The following PRMT3 variants were observed in gnomAD, a reference collection of about 807,000 sequenced individuals.
The protein encoded by PRMT3 is protein arginine methyltransferase 3, also known as protein arginine N-methyltransferase 3.
In PRMT3, 62 loss-of-function variants were observed where a neutral mutation model predicts 71.9. The ratio of observed to expected loss-of-function variants is 0.86; its 90% CI spans 0.70 to 1.07. The LOEUF (loss-of-function observed/expected upper bound fraction) is 1.07, where lower values mean the gene tolerates loss of function less well. PRMT3 is among the 50% of genes least tolerant of loss of function. The pLI, the probability that PRMT3 is intolerant of heterozygous loss-of-function variation, is 0.00. For synonymous variants in PRMT3, 213 were observed against 220.4 expected (o/e 0.97, Z 0.30); for missense variants, 663 against 643.0 (o/e 1.03, Z -0.34).
At chr11:20,495,709 T>C (rs1851316680) in intron 15 of PRMT3, among the ~76,000 whole-genome samples, 1 of 152,142 alleles carries the variant, frequency 6.6e-6, no homozygotes, top group Admixed American at 6.5e-5. Context: ...CTCTAAAAGT[T>C]AGAATTTGAT....
At position 20,467,264 on chromosome 11, in the gene PRMT3, G is replaced by A. The variant is rs189831208; in HGVS notation, c.1347+2718G>A. ...AGGAAGGTAACGTACATCAACAGTCGTTGAACACTTGAATGTCAGACAATG... is the reference window on the plus strand; with the variant it reads ...AGGAAGGTAACGTACATCAACAGTCATTGAACACTTGAATGTCAGACAATG... On this transcript the variant is annotated intron_variant, in intron 13 of 15. Coordinates refer to ENST00000331079, the MANE Select transcript of PRMT3 (RefSeq NM_005788.4). Among the ~76,000 whole-genome samples the A allele has an allele frequency of 1.1e-3, 162 of 152,234 alleles. No individual in the cohort carries two copies. In the East Asian group the frequency reaches 0.011, roughly 10 times the overall value.
rs776773401 is a variant in PRMT3, at chr11:20,444,036, G to A, written c.994-8094G>A. 9.8e-4 allele frequency among the ~76,000 whole-genome samples: 149 copies of A among 152,234 alleles called. 1 individual carries two copies. Among genetic ancestry groups the A allele is most frequent in the Non-Finnish European group, 5.0e-4 (34 of 68,002 alleles). ...TTATTACCATGATTCTTCTTCTTGC[G>A]TGGAAGTTGGTGATCAAGTTAAATA... On this transcript the variant is annotated intron_variant, in intron 10 of 15. Transcript: ENST00000331079.
At chr11:20,459,742 G>GA (rs1262161365) in intron 11 of PRMT3, among the ~76,000 whole-genome samples, 2 of 152,172 alleles carry the variant, frequency 1.3e-5, no homozygotes, top group African/African-American at 4.8e-5. Context: ...AGCTGCTTCT[G>GA]AATTCTTATT....
chr11:20,467,843 C>G (rs1408593657), intron 13 of PRMT3, among the ~76,000 whole-genome samples: 1 of 152,166 alleles, frequency 6.6e-6, no homozygotes, highest in Admixed American at 6.5e-5. Context: ...CCTAATGCTT[C>G]TATTAGGTGT....
intron 10 of PRMT3, among the ~76,000 whole-genome samples, chr11:20,448,300 CTT>C (rs1412864093): frequency 6.6e-6 from 1 of 152,070 alleles, no homozygotes; most frequent in African/African-American, 2.4e-5. Flanking sequence ...CTTGAAATGT[CTT>C]GTTTCCAATT....
intron 10 of PRMT3, among the ~76,000 whole-genome samples, chr11:20,430,054 CAGT>C (rs1017729973): frequency 6.6e-5 from 10 of 152,238 alleles, no homozygotes; most frequent in Non-Finnish European, 1.2e-4. Flanking sequence ...TTGGCTGAAA[CAGT>C]AGGCAAATGG....
intron 9 of PRMT3, among the ~76,000 whole-genome samples, chr11:20,425,158 A>G (rs1158534471): frequency 2.0e-5 from 3 of 152,170 alleles, no homozygotes; most frequent in Admixed American, 1.3e-4. Context: ...TTAAATGGGC[A>G]AAAGATTCGA....
chr11:20,507,682 G>A (rs1851624647), intron 15 of PRMT3, among the ~76,000 whole-genome samples: 1 of 152,152 alleles, frequency 6.6e-6, no homozygotes, highest in East Asian at 1.9e-4. Context: ...GGGAGGCTGA[G>A]GCAGGAGAAA....
At chr11:20,504,707 T>TGAGAGAGAGAGAGAGAAAGAGAGA (rs1851542288) in intron 15 of PRMT3, among the ~76,000 whole-genome samples, 1 of 133,590 alleles carries the variant, frequency 7.5e-6, no homozygotes, top group African/African-American at 3.0e-5. Context: ...TGTGTGTGTG[T>TGAGAGAGAGAGAGAGAAAGAGAGA]GAGAGAGAGA....
At chr11:20,414,533 A>C (rs1024926922) in intron 9 of PRMT3, among the ~76,000 whole-genome samples, 1 of 152,184 alleles carries the variant, frequency 6.6e-6, no homozygotes, top group Admixed American at 6.6e-5. Flanking sequence ...AAAGCTATTC[A>C]GTTGCCAGAC....
At chr11:20,391,486 G>A (rs1014099231) in intron 3 of PRMT3, among the ~76,000 whole-genome samples, 17 of 152,106 alleles carry the variant, frequency 1.1e-4, no homozygotes, top group Non-Finnish European at 1.9e-4. Context: ...CAGGTGATCC[G>A]CCTGCCTTGG....
chr11:20,413,920 A>C (rs1473667677), intron 9 of PRMT3, among the ~76,000 whole-genome samples: 1 of 152,162 alleles, frequency 6.6e-6, no homozygotes, highest in Non-Finnish European at 1.5e-5. Context: ...TTTCTCGGTC[A>C]GAAGTCTATA....
At chr11:20,434,768 T>C (rs937186388) in intron 10 of PRMT3, among the ~76,000 whole-genome samples, 4 of 152,212 alleles carry the variant, frequency 2.6e-5, no homozygotes, top group African/African-American at 9.7e-5. Context: ...AGTACTGTGC[T>C]GTTTTTATTA....
intron 15 of PRMT3, among the ~76,000 whole-genome samples, chr11:20,501,410 C>T (rs548628440): frequency 1.6e-4 from 25 of 152,178 alleles, no homozygotes; most frequent in African/African-American, 4.6e-4. Flanking sequence ...CATCTAGTGT[C>T]CATATTTGGA....
intron 13 of PRMT3, among the ~76,000 whole-genome samples, chr11:20,490,547 A>C (rs974602623): frequency 8.7e-5 from 13 of 150,034 alleles, no homozygotes; most frequent in African/African-American, 3.3e-4. Context: ...GAGGCCCCCC[A>C]AAAAATGTGG....
chr11:20,417,162 T>C (rs10766672), intron 9 of PRMT3, among the ~76,000 whole-genome samples: 125,794 of 152,054 alleles, frequency 0.83, 53,743 homozygotes, highest in Non-Finnish European at 0.95. Context: ...CTTTTTTCTC[T>C]CACTGAATTA....
intron 10 of PRMT3, among the ~76,000 whole-genome samples, chr11:20,430,359 A>G (rs959802153): frequency 6.6e-6 from 1 of 152,160 alleles, no homozygotes; most frequent in African/African-American, 2.4e-5. Context: ...GTTTTCTTCT[A>G]CTGTGGTCCA....
chr11:20,448,467 G>C (rs997426196), intron 10 of PRMT3, among the ~76,000 whole-genome samples: 13 of 152,162 alleles, frequency 8.5e-5, no homozygotes, highest in African/African-American at 3.1e-4. Flanking sequence ...ATAGGCTTGT[G>C]TATTTGTTGC....
chr11:20,397,175 G>C (rs1016581695), intron 6 of PRMT3, among the ~76,000 whole-genome samples: 1 of 152,088 alleles, frequency 6.6e-6, no homozygotes, highest in Non-Finnish European at 1.5e-5. Flanking sequence ...TCTACTTTCT[G>C]CTTACATAAT....
Sources: allele counts gnomAD v4.1 joint callset (sites outside exome capture counted in the v4.1 genomes callset), GRCh38; gene constraint gnomAD v4.1.1; transcripts MANE v1.5; gene names NCBI Gene and HGNC (gene_info 2026-07-23, HGNC 2026-07-21).